HERC4: variants seen among roughly 807,000 people sequenced by gnomAD.
HERC4 encodes HECT and RLD domain containing E3 ubiquitin protein ligase 4, also known as probable E3 ubiquitin-protein ligase HERC4.
A neutral mutation model predicts 124.3 loss-of-function variants in HERC4; 28 were observed. The observed-to-expected ratio is 0.23, with a 90% confidence interval of 0.17 to 0.31. HERC4 has a LOEUF of 0.31. HERC4 is among the 10% of genes least tolerant of loss of function. The pLI is 1.00. For missense variants in HERC4, 713 were observed against 1,229.3 expected (o/e 0.58, Z 6.28); for synonymous variants, 407 against 421.5 (o/e 0.97, Z 0.42).
chr10:67,942,571 A>T (rs2132153793), intron 19 of HERC4, among the ~76,000 whole-genome samples: 1 of 152,090 alleles, frequency 6.6e-6, no homozygotes, highest in South Asian at 2.1e-4. Context: ...GAGTGCAATG[A>T]CGCGATCTTG....
chr10:67,988,732 G>C lies in HERC4; in HGVS notation c.1737C>G (p.Pro579=), dbSNP rs777840919. ...TGTTGAAAATTCTTCTTTCAGAAGGGGGAATACCGATCTTGTAGAGTTTCA... is the reference window on the plus strand; with the variant it reads ...TGTTGAAAATTCTTCTTTCAGAAGGCGGAATACCGATCTTGTAGAGTTTCA... ...HLLKLYKIGI[P]PSERRIFNSF... is the part of the protein sequence containing the mutation. The change falls in exon 15 of 25, where the codon CCC becomes CCG. Residue 579 remains proline (P), a synonymous_variant. Transcript: ENST00000373700. 2 of 1,604,534 alleles carry C rather than the reference G, an allele frequency of 1.2e-6. No individual in the cohort carries two copies. The highest frequency in any genetic ancestry group is 1.7e-5 in the Admixed American group (1 of 58,276).
At chr10:67,966,440 T>C (rs2034868499) in intron 16 of HERC4, 1 of 327,510 alleles carries the variant, frequency 3.1e-6, no homozygotes. Context: ...TTTTTTTGTC[T>C]TGTTTTGTTT....
At chr10:68,037,488 C>T (rs1217632677) in intron 5 of HERC4, among the ~76,000 whole-genome samples, 1 of 152,106 alleles carries the variant, frequency 6.6e-6, no homozygotes, top group African/African-American at 2.4e-5. Context: ...GTAAGTTAAA[C>T]TGGTAAGAGA....
At chr10:68,064,233 T>A (rs1403485734) in intron 3 of HERC4, among the ~76,000 whole-genome samples, 1 of 151,598 alleles carries the variant, frequency 6.6e-6, no homozygotes, top group Non-Finnish European at 1.5e-5. Flanking sequence ...AACAAAACCC[T>A]GTCCCCAAAA....
intron 15 of HERC4, among the ~76,000 whole-genome samples, chr10:67,970,700 G>C (rs955480947): frequency 6.6e-6 from 1 of 151,826 alleles, no homozygotes. Flanking sequence ...CTAGGAAACA[G>C]GGGCTTTAGG....
chr10:68,001,871 A>T (rs1030435793), intron 9 of HERC4, among the ~76,000 whole-genome samples: 1 of 152,304 alleles, frequency 6.6e-6, no homozygotes, highest in African/African-American at 2.4e-5. Flanking sequence ...CAAGTTGCAT[A>T]ATGTATGAGA....
rs529996992 is a variant in HERC4 at position 68,017,238 on chromosome 10, G to C, written c.909-3052C>G. Among the ~76,000 whole-genome samples, 6 of 152,218 alleles carry C rather than the reference G, an allele frequency of 3.9e-5. No individual in the cohort carries two copies. In the East Asian group the frequency reaches 1.2e-3, roughly 29 times the overall value. On this transcript the variant is annotated intron_variant, in intron 8 of 24. Coordinates refer to ENST00000373700, the MANE Select transcript of HERC4 (RefSeq NM_015601.4). ...GCTCCTCTGGTATAGTCCCAAGAAC[G>C]AGATATGTAACAAAGCCACCCTAGC...
At chr10:67,927,688 G>T (rs534834862) in intron 23 of HERC4, among the ~76,000 whole-genome samples, 1 of 152,006 alleles carries the variant, frequency 6.6e-6, no homozygotes, top group South Asian at 2.1e-4. Flanking sequence ...GCCTCCCAAA[G>T]TGCTGGGATT....
At chr10:67,997,942 G>A (rs549147964) in intron 9 of HERC4, among the ~76,000 whole-genome samples, 2 of 152,096 alleles carry the variant, frequency 1.3e-5, no homozygotes, top group East Asian at 1.9e-4. Context: ...TCGCTCTGTC[G>A]CCAGGCTGGA....
intron 9 of HERC4, among the ~76,000 whole-genome samples, chr10:67,999,554 T>C (rs1454590666): frequency 2.0e-5 from 3 of 152,220 alleles, no homozygotes; most frequent in Admixed American, 1.3e-4. Context: ...CTTACATAAC[T>C]TTCAAAACGT....
chr10:68,015,932 G>A (rs1279601054), intron 8 of HERC4, among the ~76,000 whole-genome samples: 1 of 152,082 alleles, frequency 6.6e-6, no homozygotes, highest in African/African-American at 2.4e-5. Flanking sequence ...GCAAAACCCT[G>A]TCTCTATTAA....
chr10:68,040,907 G>A (rs1261906989), intron 4 of HERC4, among the ~76,000 whole-genome samples: 15 of 146,100 alleles, frequency 1.0e-4, no homozygotes, highest in East Asian at 2.0e-4. Context: ...AAAAAAGAAA[G>A]AAAAAGAAAA....
chr10:68,014,988 G>A (rs972389725), intron 8 of HERC4, among the ~76,000 whole-genome samples: 1 of 152,128 alleles, frequency 6.6e-6, no homozygotes, highest in African/African-American at 2.4e-5. Context: ...TTATAAAAGT[G>A]GCTGAAATTA....
intron 15 of HERC4, among the ~76,000 whole-genome samples, chr10:67,985,574 C>T (rs2036211952): frequency 6.6e-6 from 1 of 152,158 alleles, no homozygotes; most frequent in Admixed American, 6.5e-5. Context: ...TTGAAAATCA[C>T]TGATTTAGAT....
chr10:67,991,584 A>G (rs2036555410), intron 11 of HERC4, among the ~76,000 whole-genome samples: 1 of 152,228 alleles, frequency 6.6e-6, no homozygotes, highest in Non-Finnish European at 1.5e-5. Flanking sequence ...GAAAAATTAT[A>G]GTTTTGGAAA....
At chr10:68,069,783 C>T in intron 3 of HERC4, 4 of 983,274 alleles carry the variant, frequency 4.1e-6, no homozygotes, top group African/African-American at 1.7e-5. Flanking sequence ...TGGCTCACGC[C>T]TGTAATCCCA....
At chr10:67,927,718 C>T (rs1228231873) in intron 23 of HERC4, among the ~76,000 whole-genome samples, 1 of 152,038 alleles carries the variant, frequency 6.6e-6, no homozygotes, top group Non-Finnish European at 1.5e-5. Context: ...AGCCACTGCG[C>T]CCGGCCGCTA....
intron 2 of HERC4, 67 bp downstream of exon 2, chr10:68,073,590 C>A (rs534611): frequency 0.53 from 81,234 of 153,316 alleles, 25,575 homozygotes; most frequent in African/African-American, 0.86. Flanking sequence ...ATACACAGTG[C>A]AAAATTTAGC....
intron 3 of HERC4, among the ~76,000 whole-genome samples, chr10:68,047,927 T>C (rs1433232580): frequency 6.7e-6 from 1 of 150,162 alleles, no homozygotes; most frequent in Non-Finnish European, 1.5e-5. Context: ...TGTTTTGTTT[T>C]TGTTTTTTTT....
Sources: allele counts gnomAD v4.1 joint callset (sites outside exome capture counted in the v4.1 genomes callset), GRCh38; gene constraint gnomAD v4.1.1; transcripts MANE v1.5; gene names NCBI Gene and HGNC (gene_info 2026-07-23, HGNC 2026-07-21).